Variants in BMP1 observed in about 807,000 individuals in gnomAD.
The protein encoded by BMP1 is bone morphogenetic protein 1, also known as mammalian tolloid protein.
Under a neutral mutation model 116.8 loss-of-function variants are expected in BMP1, and 63 were observed. The observed-to-expected ratio is 0.54, with a 90% CI of 0.44 to 0.67. The LOEUF (loss-of-function observed/expected upper bound fraction) is 0.67, where lower values mean the gene tolerates loss of function less well. Among genes scored for constraint, BMP1 ranks in the 30% least tolerant of loss-of-function variants. The pLI is 0.00. For synonymous variants in BMP1, 536 were observed against 533.4 expected (o/e 1.00, Z -0.07); for missense variants, 1,183 against 1,358.9 (o/e 0.87, Z 2.04).
intron 15 of BMP1, chr8:22,199,455 C>A: frequency 8.4e-7 from 1 of 1,196,388 alleles, no homozygotes; most frequent in East Asian, 5.7e-5. Context: ...AACCTGCTCC[C>A]CCCAGCTCCC....
Position 22,195,446 on chromosome 8 carries a change from T to A in BMP1, c.1640-16T>A. 6.3e-7 allele frequency: 1 copy of A among 1,592,928 alleles called. No individual in the cohort carries two copies. Among genetic ancestry groups the A allele is most frequent in the Non-Finnish European group, 8.5e-7 (1 of 1,172,720 alleles). ...GAATGCCTGGAGTCTGTGACACCCT[T>A]TCCTTCCCACCACAGAGGTGGACGA... On this transcript the variant is annotated splice_polypyrimidine_tract_variant and intron_variant, in intron 12 of 19. Transcript: ENST00000306385.
intron 13 of BMP1, 63 bp downstream of exon 13, chr8:22,195,650 A>T (rs1829063711): frequency 3.0e-6 from 4 of 1,315,944 alleles, no homozygotes; most frequent in South Asian, 2.7e-5. Context: ...CCTGCCCAGA[A>T]TTTTTTTTTT....
At chr8:22,203,540 G>A (rs10110914) in intron 16 of BMP1, among the ~76,000 whole-genome samples, 1 of 151,988 alleles carries the variant, frequency 6.6e-6, no homozygotes, top group African/African-American at 2.4e-5. Context: ...CTGGGCAACA[G>A]AGCAAGACTC....
chr8:22,196,571 G>C (rs1454883070), intron 13 of BMP1, 109 bp from the exon 14 acceptor site: 2 of 1,524,824 alleles, frequency 1.3e-6, no homozygotes, highest in Non-Finnish European at 1.8e-6. Flanking sequence ...TGAGCCTTGG[G>C]GAGTCCACAG....
chr8:22,209,965 T>G (rs981628981), intron 19 of BMP1, among the ~76,000 whole-genome samples: 3 of 152,282 alleles, frequency 2.0e-5, no homozygotes, highest in Non-Finnish European at 4.4e-5. Context: ...TCAGAACCAG[T>G]TGGCCACGGC....
At chr8:22,172,165 A>G (rs1464291564) in intron 1 of BMP1, among the ~76,000 whole-genome samples, 6 of 152,208 alleles carry the variant, frequency 3.9e-5, no homozygotes, top group Admixed American at 3.9e-4. Flanking sequence ...CCAGGCCTGT[A>G]TAGCACTCTG....
Position 22,212,238 on chromosome 8 carries a change from G to A in BMP1, c.*510G>A, listed in dbSNP as rs1325305293. On this transcript the variant is annotated 3_prime_UTR_variant, in exon 20 of 20. Transcript: ENST00000306385. ...GTGGGGAGCCGATGGGGAGGGGATG[G>A]AGAAACAAGACAGGGCTTCTCTCAG... The A allele has an allele frequency of 6.1e-6, 1 of 162,932 alleles. No individual in the cohort carries two copies. Among genetic ancestry groups the A allele is most frequent in the Non-Finnish European group, 1.4e-5 (1 of 73,186 alleles). 10.1% of individuals were successfully genotyped at this position (162,932 alleles called of 1,614,324 possible).
chr8:22,180,395 C>T lies in BMP1; in HGVS notation c.989C>T (p.Thr330Ile). ...PACGETLQDSTGNFSSPEYPN... is the reference protein window; with the variant it reads ...PACGETLQDSIGNFSSPEYPN... Reference sequence around the variant, plus strand: ...TGTGGAGAGACCCTGCAAGACAGCACAGGCAACTTCTCCTCCCCTGAATAC... The same window carrying T: ...TGTGGAGAGACCCTGCAAGACAGCATAGGCAACTTCTCCTCCCCTGAATAC... Residue 330 changes from threonine to isoleucine, a missense_variant, in exon 8 of 20, where the codon ACA becomes ATA. By Grantham distance (89) the Thr-to-Ile change is moderately conservative. Transcript: ENST00000306385. The T allele has an allele frequency of 6.2e-7, 1 of 1,614,014 alleles. No individual in the cohort carries two copies. The highest frequency in any genetic ancestry group is 8.5e-7 in the Non-Finnish European group (1 of 1,179,922).
intron 18 of BMP1, among the ~76,000 whole-genome samples, chr8:22,208,812 C>G (rs1194672173): frequency 6.6e-6 from 1 of 152,218 alleles, no homozygotes; most frequent in Non-Finnish European, 1.5e-5. Flanking sequence ...TCCCCTTCAA[C>G]TCAGTCCCTG....
intron 16 of BMP1, among the ~76,000 whole-genome samples, chr8:22,203,255 G>T (rs1586470926): frequency 6.6e-6 from 1 of 152,012 alleles, no homozygotes; most frequent in Non-Finnish European, 1.5e-5. Context: ...CCTCATCCAT[G>T]AAACGATAAA....
rs995188933 is a variant in BMP1 at position 22,212,212 on chromosome 8, C to T, written c.*484C>T. ...TCTGTGCATGTCCCCCAGGAGCCAC[C>T]GTGGGGAGCCGATGGGGAGGGGATG... is the stretch of plus-strand genomic sequence containing the variant. On this transcript the variant is annotated 3_prime_UTR_variant, in exon 20 of 20. Coordinates refer to ENST00000306385, the MANE Select transcript of BMP1 (RefSeq NM_006129.5). The T allele has an allele frequency of 8.0e-5, 13 of 163,122 alleles. No homozygotes were observed. The highest frequency in any genetic ancestry group is 1.4e-4 in the African/African-American group (6 of 41,924). 10.1% of individuals were successfully genotyped at this position (163,122 alleles called of 1,614,324 possible).
chr8:22,177,437 G>C, intron 5 of BMP1: 1 of 679,156 alleles, frequency 1.5e-6, no homozygotes, highest in Non-Finnish European at 2.7e-6. Flanking sequence ...GGCCGTCCTG[G>C]GGACTGCTCA....
intron 1 of BMP1, among the ~76,000 whole-genome samples, chr8:22,165,878 C>CGTGGGTGTGTGT (rs1432185239): frequency 7.4e-5 from 5 of 67,710 alleles, no homozygotes; most frequent in African/African-American, 2.2e-4. Context: ...AACTCCTGTG[C>CGTGGGTGTGTGT]GTGCGTGTGT....
At chr8:22,200,564 A>G (rs897222885) in intron 15 of BMP1, among the ~76,000 whole-genome samples, 4 of 151,918 alleles carry the variant, frequency 2.6e-5, no homozygotes, top group Non-Finnish European at 5.9e-5. Context: ...TGGAGATTGG[A>G]GCTGTGTGTC....
intron 15 of BMP1, among the ~76,000 whole-genome samples, chr8:22,199,921 G>T (rs1306080898): frequency 6.6e-6 from 1 of 152,150 alleles, no homozygotes; most frequent in Non-Finnish European, 1.5e-5. Context: ...CCTGATCCTG[G>T]GTTGGAGAAG....
intron 18 of BMP1, among the ~76,000 whole-genome samples, chr8:22,208,154 G>C (rs1325953975): frequency 1.3e-5 from 2 of 152,234 alleles, no homozygotes; most frequent in African/African-American, 4.8e-5. Context: ...AAAGTGCTGA[G>C]ATTACAGGCG....
At chr8:22,181,070 G>T (rs1311765269) in intron 8 of BMP1, among the ~76,000 whole-genome samples, 1 of 152,178 alleles carries the variant, frequency 6.6e-6, no homozygotes, top group Non-Finnish European at 1.5e-5. Flanking sequence ...CTGCCTGGTG[G>T]GTCTCTCCTT....
intron 1 of BMP1, among the ~76,000 whole-genome samples, chr8:22,172,181 A>C (rs540976057): frequency 1.7e-4 from 26 of 152,326 alleles, no homozygotes; most frequent in Middle Eastern, 3.4e-3. Context: ...CTCTGCCTGG[A>C]TGAGAAGCAG....
chr8:22,168,063 G>C (rs1360692709), intron 1 of BMP1, among the ~76,000 whole-genome samples: 2 of 152,180 alleles, frequency 1.3e-5, no homozygotes, highest in African/African-American at 4.8e-5. Context: ...GACCTTTCCA[G>C]TTGCTCTGAG....
Sources: gnomAD v4.1 joint callset for allele counts (sites outside exome capture counted in the v4.1 genomes callset) on GRCh38, gnomAD v4.1.1 for gene constraint, MANE v1.5 for transcripts, NCBI Gene and HGNC (gene_info 2026-07-23, HGNC 2026-07-21) for gene names.